Variants in XRRA1 observed in about 807,000 individuals in gnomAD.
XRRA1 encodes X-ray radiation resistance-associated protein 1.
Under a neutral mutation model 80.2 loss-of-function variants are expected in XRRA1, and 69 were observed. The observed-to-expected ratio is 0.86, with a 90% CI of 0.71 to 1.05. The LOEUF (loss-of-function observed/expected upper bound fraction) is 1.05, where lower values mean the gene tolerates loss of function less well. XRRA1 is among the 50% of genes least tolerant of loss of function. XRRA1 has a pLI of 0.00. For missense variants in XRRA1, 967 were observed against 976.4 expected, an observed-to-expected ratio of 0.99 and a Z score of 0.13; for synonymous variants, 348 against 389.9, an observed-to-expected ratio of 0.89 and a Z score of 1.27.
At chr11:74,943,803 C>T (rs558676043) in intron 2 of XRRA1, among the ~76,000 whole-genome samples, 4 of 152,158 alleles carry the variant, frequency 2.6e-5, no homozygotes, top group African/African-American at 9.6e-5. Flanking sequence ...CTCCAGGCTA[C>T]ATTTCTTTTT....
Position 74,845,140 on chromosome 11 carries a change from G to A in XRRA1, c.1860C>T (p.Pro620=). The A allele has an allele frequency of 6.2e-7, 1 of 1,614,068 alleles. No individual in the cohort carries two copies. The highest frequency in any genetic ancestry group is 1.3e-5 in the African/African-American group (1 of 75,078). The part of the protein sequence containing the change: ...TRRKLPTAFL[P]SKYHGYEELL... ...GTTCTTCATAGCCGTGGTACTTGCTGGGAAGGAAGGCAGTTGGGAGTTTCC... is the reference window on the plus strand; with the variant it reads ...GTTCTTCATAGCCGTGGTACTTGCTAGGAAGGAAGGCAGTTGGGAGTTTCC... Residue 620 remains proline (P), a synonymous_variant, in exon 16 of 19, where the codon CCC becomes CCT. Transcript: ENST00000684022.
chr11:74,871,537 GTCATA>G (rs2044766692), intron 10 of XRRA1, among the ~76,000 whole-genome samples: 1 of 152,228 alleles, frequency 6.6e-6, no homozygotes, highest in African/African-American at 2.4e-5. Context: ...TCTTTTAGCA[GTCATA>G]TCAGGCAATC....
chr11:74,895,592 C>T (rs558441075), intron 10 of XRRA1, among the ~76,000 whole-genome samples: 4 of 152,264 alleles, frequency 2.6e-5, no homozygotes, highest in East Asian at 3.9e-4. Flanking sequence ...CACCAGCTGG[C>T]GCAGCTAAGG....
chr11:74,864,495 A>G (rs571149634), intron 10 of XRRA1, among the ~76,000 whole-genome samples: 6 of 152,194 alleles, frequency 3.9e-5, no homozygotes, highest in Non-Finnish European at 8.8e-5. Flanking sequence ...ATCCCAAGAC[A>G]TTGAAGGATT....
chr11:74,877,355 G>C (rs1026408325), intron 10 of XRRA1, among the ~76,000 whole-genome samples: 3 of 152,268 alleles, frequency 2.0e-5, no homozygotes, highest in African/African-American at 7.2e-5. Flanking sequence ...GCGACATCTG[G>C]TGGAGGCAAC....
At chr11:74,877,701 G>A (rs1157628719) in intron 10 of XRRA1, among the ~76,000 whole-genome samples, 3 of 147,652 alleles carry the variant, frequency 2.0e-5, no homozygotes, top group Non-Finnish European at 3.0e-5. Context: ...CTATGAGTGA[G>A]AATATGCGGT....
chr11:74,940,932 G>T, intron 2 of XRRA1, 50 bp from the exon 3 acceptor site: 1 of 1,396,104 alleles, frequency 7.2e-7, no homozygotes, highest in Non-Finnish European at 1.0e-6. Flanking sequence ...AAAAGGCACA[G>T]CAGAGCACTC....
At chr11:74,908,869 A>G (rs1161411756) in intron 8 of XRRA1, among the ~76,000 whole-genome samples, 1 of 152,216 alleles carries the variant, frequency 6.6e-6, no homozygotes, top group African/African-American at 2.4e-5. Flanking sequence ...CATAATTAGT[A>G]GCTATAGGCA....
Position 74,843,053 on chromosome 11 carries a change from T to C in XRRA1, c.*147A>G. The C allele has an allele frequency of 9.0e-7, 1 of 1,113,824 alleles. No homozygotes were observed. Among genetic ancestry groups the C allele is most frequent in the Non-Finnish European group, 1.2e-6 (1 of 806,006 alleles). 69.0% of individuals were successfully genotyped at this position (1,113,824 alleles called of 1,614,324 possible). A position where few individuals can be genotyped will look rare whatever the true frequency, so the allele number is the denominator to read the frequency against. Reference sequence around the variant, plus strand: ...AGGAGGGGAGATCCTGACAAGGGGATGCCACCTTGTGGCCAGCAAGTGGGG... The same window carrying C: ...AGGAGGGGAGATCCTGACAAGGGGACGCCACCTTGTGGCCAGCAAGTGGGG... On this transcript the variant is annotated 3_prime_UTR_variant, in exon 19 of 19. Coordinates refer to ENST00000684022, the MANE Select transcript of XRRA1 (RefSeq NM_001378157.1).
intron 2 of XRRA1, among the ~76,000 whole-genome samples, chr11:74,942,258 G>T (rs1449579334): frequency 6.6e-6 from 1 of 152,178 alleles, no homozygotes; most frequent in Non-Finnish European, 1.5e-5. Flanking sequence ...GTCAGGCAAG[G>T]TGGGGACCGA....
intron 5 of XRRA1, among the ~76,000 whole-genome samples, chr11:74,930,735 C>T (rs1169715028): frequency 6.6e-6 from 1 of 152,082 alleles, no homozygotes; most frequent in Non-Finnish European, 1.5e-5. Flanking sequence ...TCCATGTATC[C>T]CCTCACTAAT....
chr11:74,944,995 C>T (rs1947202388), intron 2 of XRRA1, 23 bp downstream of exon 2: 1 of 152,472 alleles, frequency 6.6e-6, no homozygotes, highest in Non-Finnish European at 1.5e-5. Flanking sequence ...GGTGACCTGG[C>T]TTCAGGTCTC....
At chr11:74,865,099 T>C (rs995778239) in intron 10 of XRRA1, among the ~76,000 whole-genome samples, 3 of 151,946 alleles carry the variant, frequency 2.0e-5, no homozygotes, top group Admixed American at 1.3e-4. Context: ...GGGAGACACA[T>C]GCCTGTCTGG....
At chr11:74,843,581 A>C in intron 18 of XRRA1, 128 bp from the exon 19 acceptor site, 4 of 1,335,894 alleles carry the variant, frequency 3.0e-6, no homozygotes, top group Non-Finnish European at 4.0e-6. Flanking sequence ...AAGGGGCTAA[A>C]AATGGCCTTT....
At chr11:74,936,548 G>T (rs1397139108) in intron 4 of XRRA1, among the ~76,000 whole-genome samples, 1 of 152,224 alleles carries the variant, frequency 6.6e-6, no homozygotes, top group Non-Finnish European at 1.5e-5. Context: ...TTTGGAGTCA[G>T]TAGACCAGAG....
intron 10 of XRRA1, among the ~76,000 whole-genome samples, chr11:74,880,313 C>CAT (rs2047203095): frequency 6.6e-6 from 1 of 152,108 alleles, no homozygotes; most frequent in Admixed American, 6.6e-5. Flanking sequence ...GTGGTGATAT[C>CAT]CCCTTTATCA....
At chr11:74,881,785 A>G (rs2047667050) in intron 10 of XRRA1, among the ~76,000 whole-genome samples, 1 of 149,160 alleles carries the variant, frequency 6.7e-6, no homozygotes, top group Admixed American at 6.6e-5. Context: ...TTGGCTGGAT[A>G]TGAAATTCTG....
intron 8 of XRRA1, among the ~76,000 whole-genome samples, chr11:74,912,090 C>T (rs1476799445): frequency 1.3e-5 from 2 of 152,140 alleles, no homozygotes; most frequent in Non-Finnish European, 2.9e-5. Flanking sequence ...AACTGTAGCC[C>T]AAATCTGTAT....
chr11:74,900,585 GA>G (rs35698770), intron 10 of XRRA1, among the ~76,000 whole-genome samples: 43,957 of 145,956 alleles, frequency 0.3, 7,104 homozygotes, highest in East Asian at 0.54. Flanking sequence ...TCCATCTCAA[GA>G]AAAAAAAAAA....
Sources: gnomAD v4.1 joint callset for allele counts (sites outside exome capture counted in the v4.1 genomes callset) on GRCh38, gnomAD v4.1.1 for gene constraint, MANE v1.5 for transcripts, NCBI Gene and HGNC (gene_info 2026-07-23, HGNC 2026-07-21) for gene names.